DAB1: variants seen among roughly 807,000 people sequenced by gnomAD.
The protein encoded by DAB1 is disabled homolog 1.
DAB1 carries 15 observed loss-of-function variants against 64.6 expected under a neutral mutation model. That is an observed-to-expected ratio of 0.23 (90% CI 0.16 to 0.36). The LOEUF (loss-of-function observed/expected upper bound fraction) is 0.36. DAB1 is among the 10% of genes least tolerant of loss of function. The pLI is 1.00. For synonymous variants in DAB1, 235 were observed against 251.9 expected, an observed-to-expected ratio of 0.93 and a Z score of 0.64; for missense variants, 596 against 706.7, an observed-to-expected ratio of 0.84 and a Z score of 1.78.
intron 1 of DAB1, among the ~76,000 whole-genome samples, chr1:57,364,313 G>A (rs1384117777): frequency 6.6e-6 from 1 of 152,100 alleles, no homozygotes; most frequent in Non-Finnish European, 1.5e-5. Context: ...TCCAAAATTA[G>A]AAAATCAATA....
At chr1:57,959,611 T>C (rs1645469902) in intron 5 of DAB1, among the ~76,000 whole-genome samples, 1 of 152,180 alleles carries the variant, frequency 6.6e-6, no homozygotes, top group Non-Finnish European at 1.5e-5. Context: ...TGCTTTCTTT[T>C]TCTTTTACTT....
At chr1:58,119,036 A>T (rs1197231173) in intron 5 of DAB1, among the ~76,000 whole-genome samples, 2 of 152,142 alleles carry the variant, frequency 1.3e-5, no homozygotes. Context: ...AATTTCTTAT[A>T]ACCTTTTATA....
intron 5 of DAB1, among the ~76,000 whole-genome samples, chr1:57,972,824 C>T (rs1344425179): frequency 6.6e-6 from 1 of 152,232 alleles, no homozygotes. Context: ...CCCTCACATT[C>T]ACCTATAGCC....
chr1:58,502,044 A>G (rs1645915519), intron 3 of DAB1, among the ~76,000 whole-genome samples: 1 of 152,190 alleles, frequency 6.6e-6, no homozygotes, highest in African/African-American at 2.4e-5. Context: ...AACCTGGCAT[A>G]TAACAGATGA....
At chr1:57,797,488 T>C (rs540854423) in intron 6 of DAB1, among the ~76,000 whole-genome samples, 38 of 152,380 alleles carry the variant, frequency 2.5e-4, no homozygotes, top group Admixed American at 2.0e-3. Flanking sequence ...CTAAAAGAGA[T>C]AGATGTCTTA....
intron 2 of DAB1, among the ~76,000 whole-genome samples, chr1:57,223,097 T>C (rs751529905): frequency 8.5e-5 from 13 of 152,126 alleles, no homozygotes; most frequent in Non-Finnish European, 1.6e-4. Context: ...CCAGCTGACA[T>C]GTAGGGCTCT....
At chr1:58,417,323 G>A (rs998625022) in intron 3 of DAB1, among the ~76,000 whole-genome samples, 7 of 152,234 alleles carry the variant, frequency 4.6e-5, no homozygotes, top group Non-Finnish European at 8.8e-5. Context: ...AACCAGGGGC[G>A]GGATCTTGGG....
intron 3 of DAB1, among the ~76,000 whole-genome samples, chr1:58,451,031 A>G (rs1406244811): frequency 6.6e-6 from 1 of 152,244 alleles, no homozygotes; most frequent in African/African-American, 2.4e-5. Context: ...AGAAAGTGTT[A>G]CAAATCAGAG....
chr1:57,019,139 G>T (rs936586553), intron 11 of DAB1, among the ~76,000 whole-genome samples: 8 of 152,152 alleles, frequency 5.3e-5, no homozygotes, highest in Admixed American at 5.2e-4. Context: ...GATGAGACTA[G>T]AAACCACCTG....
chr1:57,210,402 T>C (rs1022338925), intron 2 of DAB1, among the ~76,000 whole-genome samples: 1 of 152,124 alleles, frequency 6.6e-6, no homozygotes, highest in African/African-American at 2.4e-5. Context: ...TCAAAAATAA[T>C]GCATAAAACA....
At chr1:57,874,268 A>C (rs931513113) in intron 1 of DAB1, 2 of 152,248 alleles carry the variant, frequency 1.3e-5, no homozygotes, top group African/African-American at 4.8e-5. Context: ...AGAACAAGCA[A>C]CAAGACCAAA....
rs529960989 is a variant in DAB1 at position 57,639,945 on chromosome 1, A to T, written n.625+9647T>A. On this transcript the variant is annotated intron_variant and non_coding_transcript_variant, in intron 7 of 20. Coordinates refer to the DAB1 transcript ENST00000485760. ...ATTGCAGATAAAAGAAAGGTCCCCA[A>T]AATACTTGGAATAGTCAGGCTTTAG... Among the ~76,000 whole-genome samples, 11 of 152,316 alleles carry T rather than the reference A, an allele frequency of 7.2e-5. No homozygotes were observed. The South Asian group carries it at 2.1e-3, about 29-fold the overall frequency.
chr1:57,575,554 A>G (rs1206220806), intron 7 of DAB1, among the ~76,000 whole-genome samples: 1 of 152,230 alleles, frequency 6.6e-6, no homozygotes, highest in Non-Finnish European at 1.5e-5. Flanking sequence ...CAGATGAAAC[A>G]TAGCTTCAGA....
intron 4 of DAB1, among the ~76,000 whole-genome samples, chr1:58,185,165 C>T (rs546493509): frequency 2.6e-5 from 4 of 152,154 alleles, no homozygotes; most frequent in African/African-American, 7.2e-5. Flanking sequence ...TCTACTCAAT[C>T]GGCATATTCT....
At chr1:58,300,568 G>T (rs1260698457) in intron 4 of DAB1, among the ~76,000 whole-genome samples, 1 of 12,032 alleles carries the variant, frequency 8.3e-5, no homozygotes, top group African/African-American at 3.1e-4. Context: ...AAGAAAGAAA[G>T]AAAGAAAGAA....
intron 4 of DAB1, among the ~76,000 whole-genome samples, chr1:58,248,563 A>G (rs1660658224): frequency 1.3e-5 from 2 of 152,126 alleles, no homozygotes; most frequent in South Asian, 2.1e-4. Flanking sequence ...GAAATCTACT[A>G]TCTAGCATCA....
intron 3 of DAB1, among the ~76,000 whole-genome samples, chr1:58,410,663 T>A (rs1055884629): frequency 6.6e-6 from 1 of 152,210 alleles, no homozygotes; most frequent in African/African-American, 2.4e-5. Flanking sequence ...CAAGTTTCTT[T>A]CCAACATGCT....
intron 2 of DAB1, among the ~76,000 whole-genome samples, chr1:57,150,407 C>A (rs886791377): frequency 1.3e-5 from 2 of 152,104 alleles, no homozygotes; most frequent in South Asian, 2.1e-4. Context: ...TGTGGTTACC[C>A]TAATTAATTA....
At chr1:58,043,493 C>G (rs1045822346) in intron 5 of DAB1, among the ~76,000 whole-genome samples, 2 of 152,110 alleles carry the variant, frequency 1.3e-5, no homozygotes, top group Non-Finnish European at 2.9e-5. Flanking sequence ...GCTTGTAGTG[C>G]TTTTTCAATC....
Sources: gnomAD v4.1 joint callset for allele counts (sites outside exome capture counted in the v4.1 genomes callset) on GRCh38, gnomAD v4.1.1 for gene constraint, MANE v1.5 for transcripts, NCBI Gene and HGNC (gene_info 2026-07-23, HGNC 2026-07-21) for gene names.